The following SLC35D2 variants were observed in gnomAD, a reference collection of about 807,000 sequenced individuals.
SLC35D2 encodes the protein nucleotide sugar transporter SLC35D2.
A neutral mutation model predicts 41.8 loss-of-function variants in SLC35D2; 43 were observed. The ratio of observed to expected loss-of-function variants is 1.03; its 90% CI spans 0.81 to 1.33. The LOEUF (loss-of-function observed/expected upper bound fraction) is 1.33. Among genes scored for constraint, SLC35D2 ranks in the 40% most tolerant of loss-of-function variants. The probability of loss-of-function intolerance (pLI) is 0.00; values close to 1 mark genes in which losing one functional copy is unlikely to be tolerated. For synonymous variants in SLC35D2, 150 were observed against 163.9 expected (o/e 0.92, Z 0.65); for missense variants, 380 against 408.4 (o/e 0.93, Z 0.60).
intron 8 of SLC35D2, among the ~76,000 whole-genome samples, chr9:96,340,494 C>T (rs572032746): frequency 1.2e-4 from 18 of 151,560 alleles, no homozygotes; most frequent in African/African-American, 4.4e-4. Context: ...GTGGCGGGCG[C>T]CTGTAGTTCC....
At position 96,345,784 on chromosome 9, in the gene SLC35D2, C is replaced by G. The variant is rs540490362; in HGVS notation, c.489-383G>C. The stretch of plus-strand genomic sequence containing the variant: ...GAACAGGGCCACCTCCAGGGTGCAG[C>G]CAGTGAGGGGCAGCTGGGCAGAGGC... On this transcript the variant is annotated intron_variant, in intron 6 of 11. Transcript: ENST00000253270. Among the ~76,000 whole-genome samples the G allele has an allele frequency of 2.0e-5, 3 of 152,276 alleles. No individual in the cohort carries two copies. The South Asian group carries it at 6.2e-4, about 32-fold the overall frequency.
exon 12 of SLC35D2, chr9:96,314,485 A>G (rs10820322): frequency 0.53 from 81,107 of 151,884 alleles, 21,888 homozygotes; most frequent in African/African-American, 0.6. Context: ...AAACTAACAC[A>G]GGAACAGAAA....
intron 8 of SLC35D2, among the ~76,000 whole-genome samples, chr9:96,343,698 C>T (rs142184133): frequency 1.5e-3 from 224 of 152,292 alleles, no homozygotes; most frequent in African/African-American, 5.2e-3. Context: ...GAGTTCTTGG[C>T]TCTCCTTGAT....
chr9:96,359,833 G>C (rs1175728223), intron 4 of SLC35D2, among the ~76,000 whole-genome samples: 2 of 152,244 alleles, frequency 1.3e-5, no homozygotes, highest in Admixed American at 6.5e-5. Flanking sequence ...ATAAAACTGA[G>C]ATGAAACCAA....
chr9:96,349,773 G>A (rs750558109), intron 6 of SLC35D2, among the ~76,000 whole-genome samples: 29 of 152,174 alleles, frequency 1.9e-4, no homozygotes, highest in African/African-American at 6.3e-4. Flanking sequence ...TGATGCACCC[G>A]CCTGGGCCTC....
At chr9:96,333,393 G>C (rs28411076) in intron 9 of SLC35D2, among the ~76,000 whole-genome samples, 1,781 of 150,624 alleles carry the variant, frequency 0.012, 32 homozygotes, top group African/African-American at 0.04. Flanking sequence ...TCAGGAGATC[G>C]AGACCATCCT....
chr9:96,359,756 G>A (rs1489825617), intron 4 of SLC35D2, among the ~76,000 whole-genome samples: 1 of 151,958 alleles, frequency 6.6e-6, no homozygotes, highest in African/African-American at 2.4e-5. Flanking sequence ...ACTTGAAAAT[G>A]TCTGTCATTA....
intron 9 of SLC35D2, among the ~76,000 whole-genome samples, chr9:96,324,549 C>CTTTCTTTTTTTTTTTTTTTTTTTT (rs1828420677): frequency 8.5e-6 from 1 of 117,780 alleles, no homozygotes; most frequent in Non-Finnish European, 1.8e-5. Flanking sequence ...GCCTGCTGCA[C>CTTTCTTTTTTTTTTTTTTTTTTTT]TTTTTTTTTT....
rs780092103 is a variant in SLC35D2, at chr9:96,364,529, G to A, written c.214C>T (p.Leu72=). 1.9e-6 allele frequency: 3 copies of A among 1,604,568 alleles called. No homozygotes were observed. The highest frequency in any genetic ancestry group is 8.5e-7 in the Non-Finnish European group (1 of 1,172,914). Residue 72 remains leucine (L), a synonymous_variant, in exon 3 of 12, where the codon CTA becomes TTA. Transcript: ENST00000253270. ...IGQMAATIMI[L]YVSKLNKIIH... ...ATTTTGTTTAGCTTGGACACATATA[G>A]TATCATTATGGTGGCTGCCATCTGA...
intron 11 of SLC35D2, 86 bp from the exon 12 acceptor site, chr9:96,321,427 C>T: frequency 1.2e-6 from 1 of 843,358 alleles, no homozygotes; most frequent in South Asian, 1.4e-5. Flanking sequence ...TATCAATACA[C>T]CTGCTTCATG....
At position 96,375,578 on chromosome 9, in the gene SLC35D2, C is replaced by CA. The variant is rs540487211; in HGVS notation, c.159-7274dup. 3.6e-3 allele frequency among the ~76,000 whole-genome samples: 453 copies of CA among 126,702 alleles called. 2 individuals are homozygous for CA. The highest frequency in any genetic ancestry group is 0.01 in the African/African-American group (346 of 34,228). The allele number at this position is 126,702 out of a possible 152,430, so 83.1% of individuals were successfully genotyped here. ...AGGAAACAAAAGCAAAGCTCCATCT[C>CA]AAAAAAAAAAAAAGGTATTGATTCT... On this transcript the variant is annotated intron_variant, in intron 1 of 11. Transcript: ENST00000253270.
At chr9:96,371,474 CAAAAAAAAAAAAA>C (rs539576375) in intron 1 of SLC35D2, among the ~76,000 whole-genome samples, 99 of 46,650 alleles carry the variant, frequency 2.1e-3, no homozygotes, top group East Asian at 4.5e-3. Flanking sequence ...GACTCTGTCT[CAAAAAAAAAAAAA>C]AAAAAAAAAA....
At chr9:96,329,115 A>T (rs1242922173) in intron 9 of SLC35D2, among the ~76,000 whole-genome samples, 2 of 151,612 alleles carry the variant, frequency 1.3e-5, no homozygotes, top group Non-Finnish European at 2.9e-5. Context: ...GACATTATTT[A>T]TGTCTTTTAA....
At chr9:96,378,110 G>C (rs1052319862) in intron 1 of SLC35D2, among the ~76,000 whole-genome samples, 9 of 152,094 alleles carry the variant, frequency 5.9e-5, no homozygotes, top group African/African-American at 2.2e-4. Flanking sequence ...ACCTCTCCAA[G>C]TGATTAAGAC....
At chr9:96,347,207 G>C (rs753026710) in intron 6 of SLC35D2, among the ~76,000 whole-genome samples, 3 of 152,186 alleles carry the variant, frequency 2.0e-5, no homozygotes, top group African/African-American at 2.4e-5. Flanking sequence ...GAAGAGCAGA[G>C]TCTGCCGCCC....
At chr9:96,355,491 GAAAAAAAAAAAATTTTTTTTT>G (rs1829986530) in intron 4 of SLC35D2, among the ~76,000 whole-genome samples, 1 of 145,358 alleles carries the variant, frequency 6.9e-6, no homozygotes, top group Non-Finnish European at 1.5e-5. Flanking sequence ...TTGTCTCTAA[GAAAAAAAAAAAATTTTTTTTT>G]TTTGAGACGG....
intron 8 of SLC35D2, 59 bp downstream of exon 8, chr9:96,343,845 T>C: frequency 3.5e-6 from 4 of 1,129,648 alleles, no homozygotes; most frequent in East Asian, 2.6e-5. Flanking sequence ...TATCAAATGT[T>C]AAATATTAAA....
chr9:96,325,684 A>T (rs1362664780), intron 9 of SLC35D2, among the ~76,000 whole-genome samples: 2 of 152,180 alleles, frequency 1.3e-5, no homozygotes, highest in East Asian at 3.8e-4. Flanking sequence ...TTAATTAATT[A>T]ATTAATTAGT....
At chr9:96,346,992 T>C (rs1426203941) in intron 6 of SLC35D2, among the ~76,000 whole-genome samples, 4 of 152,002 alleles carry the variant, frequency 2.6e-5, no homozygotes, top group African/African-American at 9.6e-5. Context: ...CAAAATTAGC[T>C]GGGCGTGGTG....
Sources: gnomAD v4.1 joint callset for allele counts (sites outside exome capture counted in the v4.1 genomes callset) on GRCh38, gnomAD v4.1.1 for gene constraint, MANE v1.5 for transcripts, NCBI Gene and HGNC (gene_info 2026-07-23, HGNC 2026-07-21) for gene names.